The following GPC5 variants were observed in gnomAD, a reference collection of about 807,000 sequenced individuals.
GPC5 encodes the protein glypican 5.
Under a neutral mutation model 53.9 loss-of-function variants are expected in GPC5, and 47 were observed. The observed-to-expected ratio is 0.87, with a 90% confidence interval of 0.69 to 1.11. The LOEUF (loss-of-function observed/expected upper bound fraction) is 1.11. Among genes scored for constraint, GPC5 ranks in the 50% most tolerant of loss-of-function variants. GPC5 has a pLI of 0.00. For synonymous variants in GPC5, 286 were observed against 263.3 expected, an observed-to-expected ratio of 1.09 and a Z score of -0.84; for missense variants, 748 against 713.1, an observed-to-expected ratio of 1.05 and a Z score of -0.56.
At chr13:92,496,596 C>CT in intron 7 of GPC5, among the ~76,000 whole-genome samples, 1 of 152,266 alleles carries the variant, frequency 6.6e-6, no homozygotes, top group South Asian at 2.1e-4. Context: ...TTAGTAGCAA[C>CT]TTTGTGTTAC....
chr13:92,245,430 C>T lies in GPC5; in HGVS notation c.1561+100441C>T, dbSNP rs138522338. 3.7e-3 allele frequency among the ~76,000 whole-genome samples: 560 copies of T among 152,194 alleles called. 4 individuals carry two copies. Among genetic ancestry groups the T allele is most frequent in the African/African-American group, 0.012 (513 of 41,526 alleles). Reference sequence around the variant, plus strand: ...CCACATACTTTTCTAAGAATAAGTTCGAAAAGTAAAAAATTAATCTGTTTT... The same window carrying T: ...CCACATACTTTTCTAAGAATAAGTTTGAAAAGTAAAAAATTAATCTGTTTT... On this transcript the variant is annotated intron_variant, in intron 7 of 7. Transcript: ENST00000377067.
rs961250232 is a variant in GPC5, at chr13:92,697,681, CT to C, written c.1562-168598del. ...TTCCTCTTTTCCTAATTTGAATACCCTTTATTTATTTCTCTTACCTGATTGC... is the reference window on the plus strand; with the variant it reads ...TTCCTCTTTTCCTAATTTGAATACCCTTATTTATTTCTCTTACCTGATTGC... On this transcript the variant is annotated intron_variant, in intron 7 of 7. Transcript: ENST00000377067. 2.0e-5 allele frequency among the ~76,000 whole-genome samples: 3 copies of C among 152,222 alleles called. No individual in the cohort carries two copies. The South Asian group carries it at 6.2e-4, about 32-fold the overall frequency.
chr13:92,843,741 G>GA (rs1878509083), intron 7 of GPC5, among the ~76,000 whole-genome samples: 1 of 151,992 alleles, frequency 6.6e-6, no homozygotes, highest in Admixed American at 6.6e-5. Flanking sequence ...CTTTGTCCTT[G>GA]AAAAAACAGC....
intron 7 of GPC5, among the ~76,000 whole-genome samples, chr13:92,561,167 C>G (rs1459593085): frequency 1.3e-5 from 2 of 151,894 alleles, no homozygotes; most frequent in Non-Finnish European, 2.9e-5. Context: ...TATGCACAGT[C>G]TACTGTATTT....
chr13:92,674,848 T>C (rs180729414), intron 7 of GPC5, among the ~76,000 whole-genome samples: 1 of 152,142 alleles, frequency 6.6e-6, no homozygotes, highest in Admixed American at 6.6e-5. Flanking sequence ...AAATTCAGCA[T>C]CATCACTTTT....
At chr13:92,819,845 T>A (rs1360121368) in intron 7 of GPC5, among the ~76,000 whole-genome samples, 1 of 152,208 alleles carries the variant, frequency 6.6e-6, no homozygotes, top group Non-Finnish European at 1.5e-5. Flanking sequence ...AGTTCTAATT[T>A]GATGTCAACT....
chr13:92,247,088 A>T (rs1439635536), intron 7 of GPC5, among the ~76,000 whole-genome samples: 1 of 152,170 alleles, frequency 6.6e-6, no homozygotes, highest in Non-Finnish European at 1.5e-5. Flanking sequence ...GTGTAAAACT[A>T]AACAATTATA....
rs79997440 is a variant in GPC5, at chr13:91,611,478, C to T, written c.326-81709C>T. On this transcript the variant is annotated intron_variant, in intron 2 of 7. Coordinates refer to ENST00000377067, the MANE Select transcript of GPC5 (RefSeq NM_004466.6). ...TTCCCTCAGATTCGGAATCCAGTCT[C>T]ATCTTCAGTTAGAGAAATTTTAAAG... Among the ~76,000 whole-genome samples the T allele has an allele frequency of 1.1e-4, 16 of 152,274 alleles. No homozygotes were observed. The East Asian group carries it at 2.9e-3, about 28-fold the overall frequency.
chr13:92,572,550 T>C (rs1201839536), intron 7 of GPC5, among the ~76,000 whole-genome samples: 1 of 152,028 alleles, frequency 6.6e-6, no homozygotes, highest in Non-Finnish European at 1.5e-5. Context: ...TTGGGTTCAT[T>C]AGGCAAAAAA....
At chr13:92,851,887 CA>C (rs71202563) in intron 7 of GPC5, among the ~76,000 whole-genome samples, 15,592 of 59,224 alleles carry the variant, frequency 0.26, 510 homozygotes, top group East Asian at 0.37. Flanking sequence ...GACTCCGTCT[CA>C]AAAAAAAAAA....
chr13:92,081,505 ATTTT>A lies in GPC5; in HGVS notation c.1402-63318_1402-63315del, dbSNP rs370721487. On this transcript the variant is annotated intron_variant, in intron 6 of 7. Coordinates refer to ENST00000377067, the MANE Select transcript of GPC5 (RefSeq NM_004466.6). ...TTAAAGAGGCAATTAGGAAGATCAG[ATTTT>A]TTTTTTATTTTACAAAAATACGTGA... Among the ~76,000 whole-genome samples the A allele has an allele frequency of 4.5e-3, 683 of 150,518 alleles. 5 individuals carry two copies. The highest frequency in any genetic ancestry group is 0.015 in the African/African-American group (633 of 41,190).
intron 2 of GPC5, among the ~76,000 whole-genome samples, chr13:91,638,504 T>C (rs565099856): frequency 9.9e-5 from 15 of 152,216 alleles, no homozygotes; most frequent in African/African-American, 3.6e-4. Context: ...TAGCTGGAAC[T>C]ACAGGCATGT....
intron 5 of GPC5, among the ~76,000 whole-genome samples, chr13:91,902,950 G>A (rs571992168): frequency 1.3e-5 from 2 of 151,654 alleles, no homozygotes; most frequent in South Asian, 2.1e-4. Flanking sequence ...AAAGAGCATA[G>A]AGGCTTTTTA....
chr13:92,153,879 A>G (rs1661194918), intron 7 of GPC5, among the ~76,000 whole-genome samples: 1 of 152,258 alleles, frequency 6.6e-6, no homozygotes, highest in Admixed American at 6.5e-5. Context: ...TTAAACAAGT[A>G]TATGACAAAT....
At chr13:91,884,064 C>A (rs1202386401) in intron 5 of GPC5, among the ~76,000 whole-genome samples, 1 of 152,122 alleles carries the variant, frequency 6.6e-6, no homozygotes, top group Non-Finnish European at 1.5e-5. Context: ...CATCTCACAC[C>A]ATTCAGAATG....
chr13:92,310,800 C>A (rs909065873), intron 7 of GPC5, among the ~76,000 whole-genome samples: 1 of 152,184 alleles, frequency 6.6e-6, no homozygotes, highest in African/African-American at 2.4e-5. Flanking sequence ...TTAACTTACA[C>A]TCGGTAAACA....
intron 7 of GPC5, among the ~76,000 whole-genome samples, chr13:92,819,177 A>C (rs1379250093): frequency 6.6e-6 from 1 of 152,022 alleles, no homozygotes; most frequent in Non-Finnish European, 1.5e-5. Flanking sequence ...GAAATTAAAA[A>C]TCTTATTTAA....
At chr13:91,692,446 T>C (rs1272546185) in intron 2 of GPC5, among the ~76,000 whole-genome samples, 1 of 152,180 alleles carries the variant, frequency 6.6e-6, no homozygotes, top group Non-Finnish European at 1.5e-5. Flanking sequence ...GCTTTCATTC[T>C]GGAAAAGAAA....
chr13:92,158,506 CTT>C (rs796742713), intron 7 of GPC5, among the ~76,000 whole-genome samples: 1 of 146,762 alleles, frequency 6.8e-6, no homozygotes, highest in East Asian at 2.0e-4. Context: ...TCAGTTGTTC[CTT>C]TTTTTTTTTC....
Sources: allele counts gnomAD v4.1 joint callset (sites outside exome capture counted in the v4.1 genomes callset), GRCh38; gene constraint gnomAD v4.1.1; transcripts MANE v1.5; gene names NCBI Gene and HGNC (gene_info 2026-07-23, HGNC 2026-07-21).